The following SARDH variants were observed in gnomAD, a reference collection of about 807,000 sequenced individuals.
SARDH encodes the protein sarcosine dehydrogenase.
In SARDH, 95 loss-of-function variants were observed where a neutral mutation model predicts 109.1. The ratio of observed to expected loss-of-function variants is 0.87; its 90% CI spans 0.74 to 1.03. SARDH has a LOEUF of 1.03. Ranked by LOEUF, SARDH falls within the 50% of genes least tolerant of loss-of-function variation. The pLI, the probability that SARDH is intolerant of heterozygous loss-of-function variation, is 0.00. For synonymous variants in SARDH, 572 were observed against 534.8 expected, an observed-to-expected ratio of 1.07 and a Z score of -0.96; for missense variants, 1,267 against 1,287.8, an observed-to-expected ratio of 0.98 and a Z score of 0.25.
rs1233176718 is a variant in SARDH at position 133,666,182 on chromosome 9, CA to C, written c.2631+552del. Among the ~76,000 whole-genome samples, 1 of 151,892 alleles carries C rather than the reference CA, an allele frequency of 6.6e-6. No individual in the cohort carries two copies. The highest frequency in any genetic ancestry group is 1.5e-5 in the Non-Finnish European group (1 of 67,960). On this transcript the variant is annotated intron_variant, in intron 20 of 20. Coordinates refer to ENST00000439388, the MANE Select transcript of SARDH (RefSeq NM_001134707.2). This position sits in a 1 kb window ranked among gnomAD's most constrained non-coding sequence, Gnocchi z 5.2. ...TGGAGGGGGTGGGGTTGCCTGGGGT[CA>C]GGGGTGTCGGGGGTGAGGAAAGAGA... is the stretch of plus-strand genomic sequence containing the variant.
intron 10 of SARDH, among the ~76,000 whole-genome samples, chr9:133,710,600 G>T (rs558999740): frequency 2.0e-5 from 3 of 152,330 alleles, no homozygotes; most frequent in East Asian, 3.9e-4. Flanking sequence ...CCGTTCTGGC[G>T]CCGACGCTCT....
chr9:133,685,338 T>C (rs1588400377), intron 16 of SARDH, 52 bp from the exon 17 acceptor site: 1 of 1,537,694 alleles, frequency 6.5e-7, no homozygotes, highest in Non-Finnish European at 8.8e-7. Context: ...GGGTGGGGCC[T>C]GGGCAGGAAA....
rs147664972 is a variant in SARDH, at chr9:133,696,304, A to G, written c.1726T>C (p.Phe576Leu). 1.4e-4 allele frequency: 234 copies of G among 1,614,050 alleles called. No individual in the cohort carries two copies. Among genetic ancestry groups the G allele is most frequent in the Non-Finnish European group, 1.8e-4 (212 of 1,180,036 alleles). ...AGCCCCACCAGGTAGAACTTCCCGAAGTAGGACATGTCAAACACAGCGGCG... is the reference window on the plus strand; with the variant it reads ...AGCCCCACCAGGTAGAACTTCCCGAGGTAGGACATGTCAAACACAGCGGCG... ...GAAAVFDMSYFGKFYLVGLDA... is the reference protein window; with the variant it reads ...GAAAVFDMSYLGKFYLVGLDA... Residue 576 changes from phenylalanine to leucine, a missense_variant, in exon 14 of 21, where the codon TTC (phenylalanine) becomes CTC (leucine). Transcript: ENST00000439388.
intron 19 of SARDH, chr9:133,667,141 T>A: frequency 3.5e-6 from 2 of 569,830 alleles, no homozygotes; most frequent in Non-Finnish European, 3.1e-6. Context: ...GCGAGCCCCG[T>A]ATATTTGGGA....
In SARDH at chr9:133,670,657, G is replaced by A; in HGVS notation, c.2422C>T (p.Leu808=). The stretch of plus-strand genomic sequence containing the variant: ...TGCTGCTCCAGGGCCTCCCTCCCCA[G>A]GAAGGGCACCGGCGACTTGAGCTTG... ...TCKLKSPVPF[L]GREALEQQRA... Residue 808 remains leucine (L), a synonymous_variant, in exon 19 of 21, where the codon CTG becomes TTG. Coordinates refer to ENST00000439388, the MANE Select transcript of SARDH (RefSeq NM_001134707.2). 6.3e-7 allele frequency: 1 copy of A among 1,596,358 alleles called. No individual in the cohort carries two copies. The highest frequency in any genetic ancestry group is 8.5e-7 in the Non-Finnish European group (1 of 1,172,386).
In SARDH at chr9:133,733,840, T is replaced by C. The variant is rs761408568; in HGVS notation, c.331+3A>G. Reference sequence around the variant, plus strand: ...CTGCCCCTACCTGGCCCCCGGTCCCTACCTGCCGTGTGCCAGGTGGTCCCG... The same window carrying C: ...CTGCCCCTACCTGGCCCCCGGTCCCCACCTGCCGTGTGCCAGGTGGTCCCG... On this transcript the variant is annotated splice_donor_region_variant and intron_variant, in intron 2 of 20. Coordinates refer to ENST00000439388, the MANE Select transcript of SARDH (RefSeq NM_001134707.2). 8.2e-6 allele frequency: 12 copies of C among 1,457,824 alleles called. No individual in the cohort carries two copies. Among genetic ancestry groups the C allele is most frequent in the South Asian group, 1.5e-5 (1 of 68,564 alleles). 90.3% of individuals were successfully genotyped at this position (1,457,824 alleles called of 1,614,324 possible). A position where few individuals can be genotyped will look rare whatever the true frequency, so the allele number is the denominator to read the frequency against.
Position 133,718,779 on chromosome 9 carries a change from G to A in SARDH, c.1020+159C>T. On this transcript the variant is annotated intron_variant, in intron 7 of 20. Coordinates refer to ENST00000439388, the MANE Select transcript of SARDH (RefSeq NM_001134707.2). This position sits in a 1 kb window ranked among gnomAD's most constrained non-coding sequence, Gnocchi z 4.2. ...CTGCCTGCCAGGACCGTCAGGGTAA[G>A]AGCAAGATGGCTTTGAGCTTGGTGG... The A allele has an allele frequency of 2.5e-6, 2 of 788,068 alleles. No homozygotes were observed. Among genetic ancestry groups the A allele is most frequent in the South Asian group, 2.7e-5 (2 of 74,740 alleles). The allele number at this position is 788,068 out of a possible 1,614,324, so 48.8% of individuals were successfully genotyped here.
Position 133,670,803 on chromosome 9 carries a change from C to T in SARDH, c.2327-51G>A, listed in dbSNP as rs749416666. 3 of 1,497,918 alleles carry T rather than the reference C, an allele frequency of 2.0e-6. No individual in the cohort carries two copies. In the Admixed American group the frequency reaches 7.0e-5, roughly 35 times the overall value. 92.8% of individuals were successfully genotyped at this position (1,497,918 alleles called of 1,614,324 possible). On this transcript the variant is annotated intron_variant, in intron 18 of 20. Transcript: ENST00000439388. ...GGTGCCACCCTGAGGGGGATAAGCCCTTCAGGAGATGCATGAGGATGCTGC... is the reference window on the plus strand; with the variant it reads ...GGTGCCACCCTGAGGGGGATAAGCCTTTCAGGAGATGCATGAGGATGCTGC...
At chr9:133,702,860 C>G in intron 13 of SARDH, 56 bp downstream of exon 13, 1 of 1,541,850 alleles carries the variant, frequency 6.5e-7, no homozygotes, top group Non-Finnish European at 8.9e-7. Flanking sequence ...GGCGCAATGG[C>G]TTATCTGAGG....
In SARDH at chr9:133,704,232, TG is replaced by T. The variant is rs930262259; in HGVS notation, c.1554+715del. 5.3e-5 allele frequency among the ~76,000 whole-genome samples: 8 copies of T among 152,122 alleles called. No individual in the cohort carries two copies. The highest frequency in any genetic ancestry group is 1.7e-4 in the African/African-American group (7 of 41,434). ...TGGAGCTCTGGAGCCTGGCCTGGGC[TG>T]TGGGTTGCCATGGGGATGGAAGGTG... On this transcript the variant is annotated intron_variant, in intron 12 of 20. Transcript: ENST00000439388. The surrounding 1 kb of genome is among the most constrained non-coding windows in gnomAD (Gnocchi z 4.5).
chr9:133,717,148 G>T (rs887745429), intron 8 of SARDH, among the ~76,000 whole-genome samples, 178 bp downstream of exon 8: 1 of 152,072 alleles, frequency 6.6e-6, no homozygotes, highest in African/African-American at 2.4e-5. Context: ...CTCGCCCGTA[G>T]AGGGGAATAA....
In SARDH at chr9:133,666,371, A is replaced by T. The variant is rs930154325; in HGVS notation, c.2631+364T>A. ...CTGGCACCTCCTTCTAACCAAAAAA[A>T]GCCTGGAATCACCAAAGTCGGATTC... is the stretch of plus-strand genomic sequence containing the variant. On this transcript the variant is annotated intron_variant, in intron 20 of 20. Transcript: ENST00000439388. The surrounding 1 kb of genome is among the most constrained non-coding windows in gnomAD (Gnocchi z 5.2). Among the ~76,000 whole-genome samples the T allele has an allele frequency of 6.6e-6, 1 of 152,176 alleles. No individual in the cohort carries two copies. Among genetic ancestry groups the T allele is most frequent in the Non-Finnish European group, 1.5e-5 (1 of 68,016 alleles).
intron 1 of SARDH, among the ~76,000 whole-genome samples, chr9:133,734,766 C>T (rs537348031): frequency 5.2e-4 from 79 of 152,228 alleles, no homozygotes; most frequent in African/African-American, 1.6e-3. Context: ...GGAGGGGCTC[C>T]GGTCTCAGGG....
chr9:133,688,650 G>A (rs730007), intron 16 of SARDH, among the ~76,000 whole-genome samples: 49,057 of 152,096 alleles, frequency 0.32, 8,872 homozygotes, highest in Middle Eastern at 0.42. Context: ...CTCTGAGCCC[G>A]GCTCCTGGCC....
At chr9:133,726,394 A>ATAATAATAATAATAATAGTAGTAG (rs59172198) in intron 6 of SARDH, among the ~76,000 whole-genome samples, 15 of 132,336 alleles carry the variant, frequency 1.1e-4, no homozygotes, top group African/African-American at 4.1e-4. Flanking sequence ...AATAATAATA[A>ATAATAATAATAATAATAGTAGTAG]TAGTAGTAGT....
chr9:133,738,033 TG>T (rs1832941541), intron 1 of SARDH, among the ~76,000 whole-genome samples: 1 of 152,052 alleles, frequency 6.6e-6, no homozygotes. Context: ...GGAGAGCGCC[TG>T]GCACCTTCGC....
intron 6 of SARDH, among the ~76,000 whole-genome samples, chr9:133,721,160 A>G (rs534413445): frequency 6.6e-6 from 1 of 152,314 alleles, no homozygotes; most frequent in East Asian, 1.9e-4. Context: ...TCACGCATTC[A>G]TATGGAAGGG....
At chr9:133,690,936 T>A (rs1317261479) in intron 15 of SARDH, among the ~76,000 whole-genome samples, 1 of 151,932 alleles carries the variant, frequency 6.6e-6, no homozygotes, top group East Asian at 1.9e-4. Flanking sequence ...ACCCACAACA[T>A]CTGGCCCCAC....
At position 133,712,955 on chromosome 9, in the gene SARDH, G is replaced by A. The variant is rs561749849; in HGVS notation, c.1237+83C>T. ...CCCCACCACTGTCGGGGGCCACGGT[G>A]CTCCTGCGCCCGCCTCCCCCAGAGC... On this transcript the variant is annotated intron_variant, in intron 9 of 20. Transcript: ENST00000439388. The surrounding 1 kb of genome is among the most constrained non-coding windows in gnomAD (Gnocchi z 4.1). 22 of 1,366,332 alleles carry A rather than the reference G, an allele frequency of 1.6e-5. No individual in the cohort carries two copies. The South Asian group carries it at 1.6e-4, about 10-fold the overall frequency. The allele number at this position is 1,366,332 out of a possible 1,614,324, so 84.6% of individuals were successfully genotyped here.
Sources: allele counts gnomAD v4.1 joint callset (sites outside exome capture counted in the v4.1 genomes callset), GRCh38; gene constraint gnomAD v4.1.1; non-coding constraint Gnocchi (gnomAD v3.1); transcripts MANE v1.5; gene names NCBI Gene and HGNC (gene_info 2026-07-23, HGNC 2026-07-21).